FAM185A: variants seen among roughly 807,000 people sequenced by gnomAD.
FAM185A encodes the protein protein FAM185A.
A neutral mutation model predicts 45.7 loss-of-function variants in FAM185A; 21 were observed. The ratio of observed to expected loss-of-function variants is 0.46; its 90% CI spans 0.33 to 0.66. FAM185A has a LOEUF of 0.66. Ranked by LOEUF, FAM185A falls within the 30% of genes least tolerant of loss-of-function variation. The pLI is 0.03. For synonymous variants in FAM185A, 117 were observed against 194.0 expected (o/e 0.60, Z 3.30); for missense variants, 305 against 485.4 (o/e 0.63, Z 3.49).
the FAM185A span, among the ~76,000 whole-genome samples, chr7:102,843,368 A>C: frequency 2.0e-5 from 3 of 152,220 alleles, no homozygotes; most frequent in African/African-American, 7.2e-5. Context: ...ACTTGAACCC[A>C]GGAGGCAGAG....
chr7:102,843,455 A>G, the FAM185A span, among the ~76,000 whole-genome samples: 1 of 151,894 alleles, frequency 6.6e-6, no homozygotes, highest in Non-Finnish European at 1.5e-5. Flanking sequence ...AAAAACAAAA[A>G]CAAAAAACAA....
At chr7:102,796,908 G>C (rs539775911) in intron 7 of FAM185A, among the ~76,000 whole-genome samples, 2 of 152,256 alleles carry the variant, frequency 1.3e-5, no homozygotes, top group South Asian at 4.1e-4. Flanking sequence ...AAATACAATG[G>C]ATGAGATTAG....
At chr7:102,834,416 T>TTA in the FAM185A span, among the ~76,000 whole-genome samples, 46 of 145,508 alleles carry the variant, frequency 3.2e-4, no homozygotes, top group African/African-American at 1.1e-3. Context: ...TATATATATA[T>TTA]TATATATATG....
chr7:102,757,470 A>C (rs978653185), intron 2 of FAM185A, among the ~76,000 whole-genome samples: 1 of 152,226 alleles, frequency 6.6e-6, no homozygotes, highest in African/African-American at 2.4e-5. Flanking sequence ...TGGTGCAGAG[A>C]AAATGCCAAA....
chr7:102,820,234 C>T, the FAM185A span, among the ~76,000 whole-genome samples: 3 of 152,190 alleles, frequency 2.0e-5, no homozygotes, highest in Admixed American at 2.0e-4. Flanking sequence ...CTTTAGACAA[C>T]GAAGTGCACA....
At chr7:102,780,822 T>G (rs1795356616) in intron 6 of FAM185A, among the ~76,000 whole-genome samples, 1 of 152,106 alleles carries the variant, frequency 6.6e-6, no homozygotes, top group Admixed American at 6.5e-5. Flanking sequence ...TGCAGGACAG[T>G]GGGCGCAGCG....
At chr7:102,811,533 T>C (rs1797434773), downstream of FAM185A, among the ~76,000 whole-genome samples, 3 of 152,176 alleles carry the variant, frequency 2.0e-5, no homozygotes, top group South Asian at 6.2e-4. Context: ...AGAAAGGATG[T>C]TACTCAAAGA....
intron 7 of FAM185A, among the ~76,000 whole-genome samples, chr7:102,800,096 C>T (rs373775711): frequency 5.3e-5 from 8 of 152,120 alleles, no homozygotes; most frequent in Admixed American, 2.0e-4. Flanking sequence ...AGACAACTCC[C>T]GTACCAGCCC....
intron 1 of FAM185A, 90 bp from the exon 2 acceptor site, chr7:102,751,602 A>T: frequency 7.1e-7 from 1 of 1,417,092 alleles, no homozygotes. Flanking sequence ...AATATTACGG[A>T]CATAACTGAG....
chr7:102,785,015 C>G (rs967486333), intron 6 of FAM185A, among the ~76,000 whole-genome samples: 4 of 151,480 alleles, frequency 2.6e-5, no homozygotes, highest in Non-Finnish European at 5.9e-5. Context: ...GTGCAAAAAT[C>G]ACAAGCATTC....
At chr7:102,777,692 C>T (rs1470505339) in intron 6 of FAM185A, among the ~76,000 whole-genome samples, 1 of 150,148 alleles carries the variant, frequency 6.7e-6, no homozygotes, top group Non-Finnish European at 1.5e-5. Flanking sequence ...GCCATACACT[C>T]TTTTGGAAGC....
the FAM185A span, among the ~76,000 whole-genome samples, chr7:102,834,099 AAAGAAAG>A: frequency 1.4e-3 from 140 of 96,686 alleles, no homozygotes; most frequent in Admixed American, 3.4e-3. Flanking sequence ...AGAAAGAAAG[AAAGAAAG>A]AAAGAAAGAA....
chr7:102,810,617 G>C (rs1250800047), downstream of FAM185A, among the ~76,000 whole-genome samples: 1 of 147,698 alleles, frequency 6.8e-6, no homozygotes, highest in Admixed American at 6.7e-5. Context: ...TTTTTCAGAC[G>C]AGGTCTCACT....
At chr7:102,802,299 G>A (rs1268885494) in intron 7 of FAM185A, among the ~76,000 whole-genome samples, 1 of 152,142 alleles carries the variant, frequency 6.6e-6, no homozygotes, top group Non-Finnish European at 1.5e-5. Context: ...GCCACAAAAT[G>A]AGCCTCAATA....
chr7:102,762,106 T>C (rs1046105671), intron 4 of FAM185A, among the ~76,000 whole-genome samples: 26 of 152,196 alleles, frequency 1.7e-4, no homozygotes, highest in Non-Finnish European at 3.4e-4. Context: ...ATGAAACATT[T>C]GGTGGAAGGT....
At chr7:102,832,828 T>G in the FAM185A span, 1 of 1,614,124 alleles carries the variant, frequency 6.2e-7, no homozygotes, top group Admixed American at 1.7e-5. Flanking sequence ...GAGCCCTGAC[T>G]CCTGCACATA....
At chr7:102,765,736 A>G (rs2129435007) in intron 4 of FAM185A, among the ~76,000 whole-genome samples, 1 of 152,094 alleles carries the variant, frequency 6.6e-6, no homozygotes, top group Admixed American at 6.5e-5. Context: ...TCCTATTTGT[A>G]TAGTTGGTTG....
Position 102,749,408 on chromosome 7 carries a change from G to A in FAM185A, c.201G>A (p.Trp67Ter), listed in dbSNP as rs1253274524. The A allele has an allele frequency of 6.5e-7, 1 of 1,548,532 alleles. No individual in the cohort carries two copies. Among genetic ancestry groups the A allele is most frequent in the African/African-American group, 1.4e-5 (1 of 73,078 alleles). Residue 67 changes from tryptophan to a stop codon, truncating the protein, a stop_gained, in exon 1 of 8, where the codon TGG becomes TGA. Transcript: ENST00000413034. LOFTEE classifies it high-confidence loss of function. The stretch of plus-strand genomic sequence containing the variant: ...CGGGGCGCCGAACTCTGAAGGAGTG[G>A]ACACTGCAGGTGAGCCCGTTTGGTC... ...PGPGRRTLKE[W>*]TLQVSPFGRL...
the FAM185A span, among the ~76,000 whole-genome samples, chr7:102,828,285 A>C: frequency 2.6e-5 from 4 of 151,906 alleles, no homozygotes; most frequent in African/African-American, 7.3e-5. Flanking sequence ...GTTCTCCTTG[A>C]AGAGGTCCTT....
Sources: gnomAD v4.1 joint callset for allele counts (sites outside exome capture counted in the v4.1 genomes callset) on GRCh38, gnomAD v4.1.1 for gene constraint, MANE v1.5 for transcripts, NCBI Gene and HGNC (gene_info 2026-07-23, HGNC 2026-07-21) for gene names.